The following SAMD4A variants were observed in gnomAD, a reference collection of about 807,000 sequenced individuals.
SAMD4A encodes protein Smaug homolog 1.
SAMD4A carries 33 observed loss-of-function variants against 81.3 expected under a neutral mutation model. The ratio of observed to expected loss-of-function variants is 0.41; its 90% confidence interval spans 0.31 to 0.54. The LOEUF is 0.54. Ranked by LOEUF, SAMD4A falls within the 20% of genes least tolerant of loss-of-function variation. The probability of loss-of-function intolerance (pLI) is 0.37; values close to 1 mark genes in which losing one functional copy is unlikely to be tolerated. For missense variants in SAMD4A, 854 were observed against 951.1 expected, an observed-to-expected ratio of 0.90 and a Z score of 1.34; for synonymous variants, 389 against 382.1, an observed-to-expected ratio of 1.02 and a Z score of -0.21.
At chr14:54,744,007 T>G (rs531377905) in intron 4 of SAMD4A, among the ~76,000 whole-genome samples, 1 of 152,262 alleles carries the variant, frequency 6.6e-6, no homozygotes, top group Non-Finnish European at 1.5e-5. Flanking sequence ...GCTTTCCTCT[T>G]CTCCCCCTCA....
chr14:54,569,295 A>G (rs562521494), intron 2 of SAMD4A, among the ~76,000 whole-genome samples: 2 of 152,188 alleles, frequency 1.3e-5, no homozygotes, highest in Non-Finnish European at 2.9e-5. Flanking sequence ...GAGCCGGCCT[A>G]CTCATTCCTC....
intron 6 of SAMD4A, among the ~76,000 whole-genome samples, chr14:54,755,194 G>A (rs2038206573): frequency 1.3e-5 from 2 of 152,202 alleles, no homozygotes; most frequent in Non-Finnish European, 2.9e-5. Flanking sequence ...AGGGAGTCTG[G>A]TGATTGTGAC....
chr14:54,632,333 G>A (rs1383610735), intron 2 of SAMD4A, among the ~76,000 whole-genome samples: 1 of 152,152 alleles, frequency 6.6e-6, no homozygotes, highest in Non-Finnish European at 1.5e-5. Flanking sequence ...TAGTCAGTAT[G>A]TGCATGTTTG....
intron 2 of SAMD4A, among the ~76,000 whole-genome samples, chr14:54,626,409 C>T (rs2034765930): frequency 6.6e-6 from 1 of 152,138 alleles, no homozygotes; most frequent in Non-Finnish European, 1.5e-5. Flanking sequence ...ATGCTACCAA[C>T]TAGAATTTTA....
intron 2 of SAMD4A, among the ~76,000 whole-genome samples, chr14:54,592,833 C>T (rs964602656): frequency 1.2e-4 from 19 of 152,150 alleles, no homozygotes; most frequent in African/African-American, 4.1e-4. Context: ...CCCAGAGCCA[C>T]GCATTGCCTC....
At chr14:54,621,711 T>C (rs2884568) in intron 2 of SAMD4A, among the ~76,000 whole-genome samples, 114,496 of 151,920 alleles carry the variant, frequency 0.75, 43,282 homozygotes, top group East Asian at 0.87. Flanking sequence ...TAGACCAGAT[T>C]CTTTCTTTAC....
At chr14:54,694,211 C>G (rs373458142) in intron 2 of SAMD4A, 1 of 152,514 alleles carries the variant, frequency 6.6e-6, no homozygotes, top group African/African-American at 2.4e-5. Context: ...GACTTACCTT[C>G]TAGTTTTAAA....
intron 4 of SAMD4A, among the ~76,000 whole-genome samples, chr14:54,737,791 A>G (rs976454818): frequency 3.3e-5 from 5 of 151,930 alleles, no homozygotes; most frequent in Admixed American, 3.3e-4. Context: ...TTTGATATCC[A>G]AAGAAACCTT....
chr14:54,750,178 G>T (rs1446655169), intron 5 of SAMD4A, among the ~76,000 whole-genome samples: 1 of 152,112 alleles, frequency 6.6e-6, no homozygotes, highest in African/African-American at 2.4e-5. Context: ...AAAAAAACAA[G>T]AAATAATTGA....
chr14:54,658,286 G>A (rs2035569126), intron 2 of SAMD4A, among the ~76,000 whole-genome samples: 1 of 152,180 alleles, frequency 6.6e-6, no homozygotes. Context: ...ACTCCAGCCT[G>A]GGTGACAGAG....
At chr14:54,729,630 A>T (rs1271920296) in intron 3 of SAMD4A, among the ~76,000 whole-genome samples, 1 of 152,234 alleles carries the variant, frequency 6.6e-6, no homozygotes, top group Non-Finnish European at 1.5e-5. Context: ...GTTTAGTATA[A>T]TGGTAGATAC....
At chr14:54,749,061 G>C (rs2038034539) in intron 5 of SAMD4A, 137 bp downstream of exon 5, 1 of 610,366 alleles carries the variant, frequency 1.6e-6, no homozygotes, top group Admixed American at 2.8e-5. Context: ...TGGGGTGCTG[G>C]CCAGCATTCC....
At chr14:54,777,307 G>A (rs1405103300) in intron 11 of SAMD4A, among the ~76,000 whole-genome samples, 1 of 152,146 alleles carries the variant, frequency 6.6e-6, no homozygotes, top group Non-Finnish European at 1.5e-5. Context: ...CTATCTGTAG[G>A]AGTTTAAAGA....
chr14:54,749,121 T>C (rs2038036052), intron 5 of SAMD4A, among the ~76,000 whole-genome samples, 197 bp downstream of exon 5: 1 of 152,026 alleles, frequency 6.6e-6, no homozygotes, highest in Non-Finnish European at 1.5e-5. Flanking sequence ...CAATAGGAGA[T>C]GGAAGACAAG....
chr14:54,706,155 C>A (rs1056578972), intron 3 of SAMD4A, among the ~76,000 whole-genome samples: 2 of 151,544 alleles, frequency 1.3e-5, no homozygotes, highest in Non-Finnish European at 2.9e-5. Context: ...CAAGAACAGT[C>A]TGAACAACAT....
intron 2 of SAMD4A, among the ~76,000 whole-genome samples, chr14:54,583,372 C>T (rs2140153040): frequency 6.6e-6 from 1 of 152,242 alleles, no homozygotes; most frequent in Non-Finnish European, 1.5e-5. Context: ...CTGAGTCTGG[C>T]AACCTTGTCC....
At position 54,692,885 on chromosome 14, in the gene SAMD4A, C is replaced by CCT. The variant is rs1555343980; in HGVS notation, c.197-9177_197-9176insCT. 6 of 147,568 alleles carry CCT rather than the reference C, an allele frequency of 4.1e-5. No homozygotes were observed. The South Asian group carries it at 6.6e-4, about 16-fold the overall frequency. The allele number at this position is 147,568 out of a possible 1,614,324, so 9.1% of individuals were successfully genotyped here. A position where few individuals can be genotyped will look rare whatever the true frequency, so the allele number is the denominator to read the frequency against. On this transcript the variant is annotated intron_variant, in intron 2 of 12. Transcript: ENST00000554335. ...GAAACAATCACTTAGTGCCCCCCCC[C>CCT]GCAAAAAAATCAGACATATAACAGT...
intron 3 of SAMD4A, among the ~76,000 whole-genome samples, chr14:54,727,069 T>G (rs1466996677): frequency 6.6e-6 from 1 of 151,960 alleles, no homozygotes; most frequent in Non-Finnish European, 1.5e-5. Flanking sequence ...GATAGTTTAT[T>G]TAATGTATAT....
At chr14:54,776,308 G>GTT in intron 10 of SAMD4A, 106 bp from the exon 11 acceptor site, 1 of 1,234,444 alleles carries the variant, frequency 8.1e-7, no homozygotes, top group Non-Finnish European at 1.1e-6. Flanking sequence ...TTTTCTAGAA[G>GTT]TTAGAGTTCT....
Sources: allele counts gnomAD v4.1 joint callset (sites outside exome capture counted in the v4.1 genomes callset), GRCh38; gene constraint gnomAD v4.1.1; transcripts MANE v1.5; gene names NCBI Gene and HGNC (gene_info 2026-07-23, HGNC 2026-07-21).